Variants in PPA2 observed in about 807,000 individuals in gnomAD.
PPA2 encodes inorganic pyrophosphatase 2, also known as inorganic pyrophosphatase 2, mitochondrial.
PPA2 carries 48 observed loss-of-function variants against 49.5 expected under a neutral mutation model. That is an observed-to-expected ratio of 0.97 (90% confidence interval 0.77 to 1.23). The LOEUF (loss-of-function observed/expected upper bound fraction) is 1.23, where lower values mean the gene tolerates loss of function less well. PPA2 is among the 50% of genes most tolerant of loss of function. PPA2 has a pLI of 0.00. For synonymous variants in PPA2, 131 were observed against 139.9 expected, an observed-to-expected ratio of 0.94 and a Z score of 0.45; for missense variants, 429 against 410.1, an observed-to-expected ratio of 1.05 and a Z score of -0.40.
chr4:105,377,588 T>C (rs1225867704), intron 10 of PPA2, among the ~76,000 whole-genome samples: 2 of 152,160 alleles, frequency 1.3e-5, no homozygotes, highest in African/African-American at 4.8e-5. Flanking sequence ...ATGTAAAGTC[T>C]GTAATTTGAT....
intron 7 of PPA2, among the ~76,000 whole-genome samples, chr4:105,402,120 A>G (rs1275305627): frequency 6.6e-6 from 1 of 152,168 alleles, no homozygotes; most frequent in Non-Finnish European, 1.5e-5. Context: ...TGTCAAATTA[A>G]GCCTGGAGCT....
chr4:105,453,585 C>A lies in PPA2; in HGVS notation c.267+13G>T. 1 of 1,579,398 alleles carries A rather than the reference C, an allele frequency of 6.3e-7. No homozygotes were observed. Among genetic ancestry groups the A allele is most frequent in the East Asian group, 2.3e-5 (1 of 44,310 alleles). On this transcript the variant is annotated intron_variant, in intron 3 of 11. Coordinates refer to ENST00000341695, the MANE Select transcript of PPA2 (RefSeq NM_176869.3). ...TAAAAGTGATTCACAAAAATAAAAA[C>A]CTTTGGATATACCTCATATTCATCA...
At chr4:105,425,749 C>CACAT (rs955459046) in intron 6 of PPA2, among the ~76,000 whole-genome samples, 1 of 151,562 alleles carries the variant, frequency 6.6e-6, no homozygotes, top group African/African-American at 2.4e-5. Context: ...CACACACACA[C>CACAT]ACACACACAC....
rs767370442 is a variant in PPA2 at position 105,449,344 on chromosome 4, C to T, written c.321+6G>A. 12 of 1,535,126 alleles carry T rather than the reference C, an allele frequency of 7.8e-6. No individual in the cohort carries two copies. The highest frequency in any genetic ancestry group is 6.9e-5 in the East Asian group (3 of 43,360). On this transcript the variant is annotated splice_donor_region_variant and intron_variant, in intron 4 of 11. Coordinates refer to ENST00000341695, the MANE Select transcript of PPA2 (RefSeq NM_176869.3). ...TCGGTTTCATATTAATAAAGTATAT[C>T]GGTACCTCCATTTTAGCATTTGTCC...
chr4:105,399,299 G>C (rs1734266889), intron 7 of PPA2, 135 bp from the exon 8 acceptor site: 2 of 769,584 alleles, frequency 2.6e-6, no homozygotes, highest in South Asian at 2.0e-5. Context: ...GTGATACCTA[G>C]AGCAGCATCA....
At chr4:105,454,324 T>C (rs893569380) in intron 2 of PPA2, among the ~76,000 whole-genome samples, 4 of 151,916 alleles carry the variant, frequency 2.6e-5, no homozygotes, top group Admixed American at 2.6e-4. Context: ...TTGTTGTTGT[T>C]GTTGTTGTTG....
chr4:105,453,732 AC>A, intron 2 of PPA2, 90 bp from the exon 3 acceptor site: 3 of 958,886 alleles, frequency 3.1e-6, no homozygotes, highest in Non-Finnish European at 4.6e-6. Flanking sequence ...TATTGTATAG[AC>A]ATTCTACACA....
chr4:105,441,825 T>C (rs1724377709), intron 5 of PPA2, among the ~76,000 whole-genome samples: 1 of 152,192 alleles, frequency 6.6e-6, no homozygotes. Flanking sequence ...ATTATTACCT[T>C]ACAATCTATA....
chr4:105,391,612 CTG>C (rs1305770136), intron 9 of PPA2, among the ~76,000 whole-genome samples: 1 of 151,862 alleles, frequency 6.6e-6, no homozygotes, highest in East Asian at 1.9e-4. Context: ...AGAAATGAAA[CTG>C]TGCAGAGGTG....
intron 11 of PPA2, chr4:105,370,479 A>T: frequency 2.3e-6 from 1 of 436,494 alleles, no homozygotes; most frequent in Non-Finnish European, 3.0e-6. Context: ...TTCAGCTAAA[A>T]TAAGTGATTC....
At chr4:105,414,980 G>A (rs1258707416) in intron 7 of PPA2, among the ~76,000 whole-genome samples, 1 of 152,094 alleles carries the variant, frequency 6.6e-6, no homozygotes, top group East Asian at 1.9e-4. Flanking sequence ...CAGCAGAGAG[G>A]ACATCCAGAG....
intron 7 of PPA2, chr4:105,423,186 G>A (rs1178564136): frequency 6.6e-6 from 1 of 151,956 alleles, no homozygotes; most frequent in Non-Finnish European, 1.5e-5. Context: ...TGATCCTGAG[G>A]TTACATGCAC....
intron 10 of PPA2, among the ~76,000 whole-genome samples, chr4:105,379,438 T>C (rs1168440438): frequency 3.0e-5 from 3 of 99,316 alleles, no homozygotes; most frequent in Non-Finnish European, 7.1e-5. Context: ...GATAGATAGA[T>C]AGATAGATAG....
intron 7 of PPA2, among the ~76,000 whole-genome samples, chr4:105,414,253 T>C (rs1722898361): frequency 6.6e-6 from 1 of 152,214 alleles, no homozygotes; most frequent in South Asian, 2.1e-4. Flanking sequence ...TTTGATAATA[T>C]CTAGTAAAAT....
intron 5 of PPA2, among the ~76,000 whole-genome samples, chr4:105,438,578 G>C (rs1724183726): frequency 6.6e-6 from 1 of 152,058 alleles, no homozygotes; most frequent in African/African-American, 2.4e-5. Context: ...AAATCTCAAG[G>C]ACCTTGATAA....
rs1722481331 is a variant in PPA2 at position 105,447,935 on chromosome 4, G to A, written c.321+1415C>T. 3 of 213,058 alleles carry A rather than the reference G, an allele frequency of 1.4e-5. No homozygotes were observed. In the South Asian group the frequency reaches 1.7e-4, roughly 12 times the overall value. The allele number at this position is 213,058 out of a possible 1,614,324, so 13.2% of individuals were successfully genotyped here. A position where few individuals can be genotyped will look rare whatever the true frequency, so the allele number is the denominator to read the frequency against. Reference sequence around the variant, plus strand: ...TAATTTTTGTATATTTAGTAGAGATGGGGTTTTGCCATGTTGGCCAGGCTG... The same window carrying A: ...TAATTTTTGTATATTTAGTAGAGATAGGGTTTTGCCATGTTGGCCAGGCTG... On this transcript the variant is annotated intron_variant, in intron 4 of 11. Transcript: ENST00000341695.
At chr4:105,422,376 T>A (rs529385606) in intron 7 of PPA2, among the ~76,000 whole-genome samples, 2 of 152,294 alleles carry the variant, frequency 1.3e-5, no homozygotes, top group Non-Finnish European at 2.9e-5. Context: ...TATCTCTTCA[T>A]AAAAGCAAAT....
At chr4:105,417,636 T>C (rs1280738663) in intron 7 of PPA2, among the ~76,000 whole-genome samples, 3 of 151,944 alleles carry the variant, frequency 2.0e-5, no homozygotes, top group African/African-American at 4.8e-5. Context: ...ATCTCAATTA[T>C]AATTTTTTAA....
intron 1 of PPA2, among the ~76,000 whole-genome samples, chr4:105,464,129 A>G (rs935666672): frequency 1.3e-5 from 2 of 152,200 alleles, no homozygotes; most frequent in African/African-American, 2.4e-5. Context: ...GAGGGGGACT[A>G]TACCCTGCAA....
Sources: allele counts gnomAD v4.1 joint callset (sites outside exome capture counted in the v4.1 genomes callset), GRCh38; gene constraint gnomAD v4.1.1; transcripts MANE v1.5; gene names NCBI Gene and HGNC (gene_info 2026-07-23, HGNC 2026-07-21).